Variants in LPIN1 observed in about 807,000 individuals in gnomAD.
LPIN1 encodes phosphatidate phosphatase LPIN1.
A neutral mutation model predicts 107.5 loss-of-function variants in LPIN1; 71 were observed. The observed-to-expected ratio is 0.66, with a 90% CI of 0.55 to 0.80. The LOEUF is 0.80. Ranked by LOEUF, LPIN1 falls within the 30% of genes least tolerant of loss-of-function variation. LPIN1 has a pLI of 0.00. For synonymous variants in LPIN1, 445 were observed against 452.6 expected (o/e 0.98, Z 0.21); for missense variants, 1,043 against 1,160.6 (o/e 0.90, Z 1.47).
rs757949561 is a variant in LPIN1, at chr2:11,779,516, A to G, written c.831-3A>G. 1.2e-6 allele frequency: 2 copies of G among 1,613,316 alleles called. No individual in the cohort carries two copies. Among genetic ancestry groups the G allele is most frequent in the Non-Finnish European group, 1.7e-6 (2 of 1,179,894 alleles). ...TTAATTTTCGCTTTGTGTTTTCCTT[A>G]AGTCCTTCCGGTTCCCGACCTTCAA... is the stretch of plus-strand genomic sequence containing the variant. On this transcript the variant is annotated splice_region_variant and splice_polypyrimidine_tract_variant and intron_variant, in intron 6 of 20. Transcript: ENST00000674199.
At chr2:11,695,881 T>A (rs1662547881) in intron 1 of LPIN1, among the ~76,000 whole-genome samples, 1 of 152,022 alleles carries the variant, frequency 6.6e-6, no homozygotes, top group Admixed American at 6.6e-5. Context: ...TCCAAATCAG[T>A]ATCCTCCCAT....
chr2:11,814,942 C>T, intron 17 of LPIN1, 146 bp from the exon 18 acceptor site: 1 of 745,940 alleles, frequency 1.3e-6, no homozygotes, highest in Non-Finnish European at 2.3e-6. Flanking sequence ...CAATTGCAAG[C>T]AAGATTTTGT....
chr2:11,813,203 C>G (rs1267274798), intron 17 of LPIN1, among the ~76,000 whole-genome samples: 3 of 152,144 alleles, frequency 2.0e-5, no homozygotes, highest in Admixed American at 1.3e-4. Context: ...TCATAGTAGC[C>G]TGCAGCTTGG....
intron 1 of LPIN1, among the ~76,000 whole-genome samples, chr2:11,712,506 A>G (rs1185643044): frequency 6.6e-6 from 1 of 152,194 alleles, no homozygotes; most frequent in Non-Finnish European, 1.5e-5. Flanking sequence ...CAAGATTTGC[A>G]TCTCATTTGT....
At chr2:11,680,123 G>C (rs984190305) in intron 1 of LPIN1, among the ~76,000 whole-genome samples, 1 of 152,218 alleles carries the variant, frequency 6.6e-6, no homozygotes, top group Non-Finnish European at 1.5e-5. Flanking sequence ...GGAATGCTGA[G>C]GGGGGATGCA....
At chr2:11,693,823 T>TATATATATATATA (rs1225325934) in intron 1 of LPIN1, among the ~76,000 whole-genome samples, 1 of 17,550 alleles carries the variant, frequency 5.7e-5, no homozygotes, top group African/African-American at 1.8e-4. Context: ...TATATATATA[T>TATATATATATATA]TTTTTTTTTT....
intron 12 of LPIN1, among the ~76,000 whole-genome samples, chr2:11,789,469 C>T (rs746004384): frequency 4.0e-5 from 6 of 150,144 alleles, no homozygotes; most frequent in African/African-American, 1.5e-4. Context: ...TGGATGTGCA[C>T]GTGTGTGCAT....
At chr2:11,757,784 TTC>T (rs1668901662) in intron 1 of LPIN1, among the ~76,000 whole-genome samples, 1 of 149,866 alleles carries the variant, frequency 6.7e-6, no homozygotes, top group Non-Finnish European at 1.5e-5. Flanking sequence ...TAATACAATT[TTC>T]TCTCTCCCCA....
At chr2:11,690,113 T>A (rs1558719640) in intron 1 of LPIN1, among the ~76,000 whole-genome samples, 1 of 151,940 alleles carries the variant, frequency 6.6e-6, no homozygotes, top group Non-Finnish European at 1.5e-5. Context: ...TTGTTTTCAG[T>A]AAAAAAAAGA....
chr2:11,779,130 C>T (rs1301400756), intron 6 of LPIN1, among the ~76,000 whole-genome samples: 3 of 152,220 alleles, frequency 2.0e-5, no homozygotes, highest in Admixed American at 2.0e-4. Context: ...AGCCCTCTGA[C>T]AGCAGAGGAA....
chr2:11,807,394 G>A (rs563732791), intron 17 of LPIN1, among the ~76,000 whole-genome samples: 76 of 152,280 alleles, frequency 5.0e-4, no homozygotes, highest in Admixed American at 1.5e-3. Flanking sequence ...TTTAGTTGAA[G>A]GAAAGAAACC....
intron 1 of LPIN1, among the ~76,000 whole-genome samples, chr2:11,749,403 G>A (rs4076516): frequency 0.032 from 4,926 of 152,224 alleles, 267 homozygotes; most frequent in African/African-American, 0.11. Flanking sequence ...TGGGGCTGCT[G>A]GGGTCCGAAG....
intron 1 of LPIN1, among the ~76,000 whole-genome samples, chr2:11,694,653 C>G (rs1392312863): frequency 6.6e-6 from 1 of 152,154 alleles, no homozygotes; most frequent in Non-Finnish European, 1.5e-5. Flanking sequence ...CATCTGCTTC[C>G]CAGCCCAGCA....
Position 11,771,356 on chromosome 2 carries a change from T to A in LPIN1, c.289-16T>A. On this transcript the variant is annotated splice_polypyrimidine_tract_variant and intron_variant, in intron 3 of 20. Transcript: ENST00000674199. The surrounding 1 kb of genome is among the most constrained non-coding windows in gnomAD (Gnocchi z 4.8). ...AATTAACGAGGCTCTTTTTAGAAAATGTGTTCTTTTCTTAGGAAGTTATCC... is the reference window on the plus strand; with the variant it reads ...AATTAACGAGGCTCTTTTTAGAAAAAGTGTTCTTTTCTTAGGAAGTTATCC... 1 of 1,612,444 alleles carries A rather than the reference T, an allele frequency of 6.2e-7. No homozygotes were observed. Among genetic ancestry groups the A allele is most frequent in the Non-Finnish European group, 8.5e-7 (1 of 1,178,548 alleles).
At chr2:11,703,757 C>T (rs4669774) in intron 1 of LPIN1, among the ~76,000 whole-genome samples, 64,237 of 152,062 alleles carry the variant, frequency 0.42, 15,018 homozygotes, top group South Asian at 0.55. Flanking sequence ...CTCCTCCCCC[C>T]ACATACATGT....
intron 2 of LPIN1, among the ~76,000 whole-genome samples, chr2:11,714,089 T>C (rs1558742446): frequency 6.6e-6 from 1 of 152,228 alleles, no homozygotes; most frequent in African/African-American, 2.4e-5. Flanking sequence ...ACCTCCCTGA[T>C]TAAAAAGCCT....
chr2:11,813,177 G>C (rs891951251), intron 17 of LPIN1, among the ~76,000 whole-genome samples: 1 of 152,170 alleles, frequency 6.6e-6, no homozygotes, highest in African/African-American at 2.4e-5. Flanking sequence ...ACTGCGCAGT[G>C]GGTGTAATGT....
chr2:11,824,535 C>A (rs761981048), intron 20 of LPIN1, 97 bp from the exon 21 acceptor site: 3 of 1,223,282 alleles, frequency 2.5e-6, no homozygotes, highest in Non-Finnish European at 3.6e-6. Context: ...AGGCGGTCTG[C>A]TCCTTGAGGT....
chr2:11,805,198 G>T (rs751002581), intron 17 of LPIN1, 42 bp downstream of exon 17: 76 of 1,389,250 alleles, frequency 5.5e-5, no homozygotes, highest in Non-Finnish European at 7.3e-5. Flanking sequence ...GTGAACGCTG[G>T]TGTGTGCACC....
Sources: gnomAD v4.1 joint callset for allele counts (sites outside exome capture counted in the v4.1 genomes callset) on GRCh38, gnomAD v4.1.1 for gene constraint, Gnocchi (gnomAD v3.1) non-coding constraint, MANE v1.5 for transcripts, NCBI Gene and HGNC (gene_info 2026-07-23, HGNC 2026-07-21) for gene names.